Variants in SUN1 observed in about 807,000 individuals in gnomAD.
The protein encoded by SUN1 is Sad1 and UNC84 domain containing 1, also known as SUN domain-containing protein 1.
A neutral mutation model predicts 103.2 loss-of-function variants in SUN1; 61 were observed. That is an observed-to-expected ratio of 0.59 (90% confidence interval 0.48 to 0.73). The LOEUF (loss-of-function observed/expected upper bound fraction) is 0.73, where lower values mean the gene tolerates loss of function less well. SUN1 is among the 30% of genes least tolerant of loss of function. SUN1 has a pLI of 0.00. For synonymous variants in SUN1, 490 were observed against 425.7 expected (o/e 1.15, Z -1.86); for missense variants, 1,052 against 1,034.6 (o/e 1.02, Z -0.23).
intron 5 of SUN1, among the ~76,000 whole-genome samples, chr7:849,334 G>T (rs551186943): frequency 6.6e-6 from 1 of 152,232 alleles, no homozygotes; most frequent in African/African-American, 2.4e-5. Flanking sequence ...GCCCTTTCAC[G>T]TCTCTTCTCG....
In SUN1 at chr7:834,437, G is replaced by A. The variant is rs533112720; in HGVS notation, c.77+1836G>A. Among the ~76,000 whole-genome samples the A allele has an allele frequency of 8.9e-4, 136 of 152,298 alleles. 2 individuals are homozygous for A. The highest frequency in any genetic ancestry group is 3.0e-3 in the African/African-American group (126 of 41,564). Reference sequence around the variant, plus strand: ...GAGTGGAGGCCCGTGGAGCACAGCCGGAGACTGGAGGTGGGGGCCTCAGGG... The same window carrying A: ...GAGTGGAGGCCCGTGGAGCACAGCCAGAGACTGGAGGTGGGGGCCTCAGGG... On this transcript the variant is annotated intron_variant, in intron 1 of 18. Transcript: ENST00000401592.
intron 16 of SUN1, 102 bp downstream of exon 16, chr7:866,169 C>A: frequency 1.0e-6 from 1 of 981,574 alleles, no homozygotes; most frequent in Non-Finnish European, 1.6e-6. Context: ...GTAAGATGAA[C>A]ACGTCTGTGG....
At chr7:872,407 C>A in intron 17 of SUN1, 63 bp from the exon 18 acceptor site, 1 of 1,371,050 alleles carries the variant, frequency 7.3e-7, no homozygotes, top group Non-Finnish European at 1.0e-6. Context: ...TGGAAGGGAA[C>A]GGTCCTCTCT....
chr7:851,508 C>T (rs375642686), intron 6 of SUN1, 26 bp downstream of exon 6: 70 of 1,572,404 alleles, frequency 4.5e-5, no homozygotes, highest in South Asian at 1.7e-4. Flanking sequence ...TTCTGTGTTG[C>T]GTTCTCTCCA....
intron 1 of SUN1, among the ~76,000 whole-genome samples, chr7:821,098 A>C (rs536658778): frequency 9.3e-5 from 14 of 150,382 alleles, no homozygotes; most frequent in African/African-American, 3.2e-4. Context: ...TTTAAAAAAT[A>C]GCCCTTTCTC....
intron 15 of SUN1, 65 bp from the exon 16 acceptor site, chr7:865,886 GT>G: frequency 7.9e-7 from 1 of 1,272,756 alleles, no homozygotes. Flanking sequence ...TCCTGAAGTG[GT>G]GCAGTACTAT....
chr7:829,700 G>A (rs566694730), upstream of SUN1, among the ~76,000 whole-genome samples: 4 of 151,920 alleles, frequency 2.6e-5, no homozygotes, highest in East Asian at 1.9e-4. Flanking sequence ...GACTACAGGC[G>A]CCCGCCACCA....
intron 1 of SUN1, among the ~76,000 whole-genome samples, chr7:819,475 C>A (rs2128126096): frequency 6.6e-6 from 1 of 152,146 alleles, no homozygotes; most frequent in African/African-American, 2.4e-5. Flanking sequence ...CATTTTAGCT[C>A]TTGTATTTAG....
At chr7:825,256 G>T (rs1261091896) in intron 1 of SUN1, among the ~76,000 whole-genome samples, 1 of 152,142 alleles carries the variant, frequency 6.6e-6, no homozygotes, top group Admixed American at 6.6e-5. Flanking sequence ...TAGAGACAGG[G>T]TTTCACTGTG....
chr7:861,607 G>A, intron 15 of SUN1, 143 bp downstream of exon 15: 1 of 817,680 alleles, frequency 1.2e-6, no homozygotes, highest in East Asian at 2.6e-5. Flanking sequence ...ATGATTCTGG[G>A]CATGACCCTG....
intron 1 of SUN1, among the ~76,000 whole-genome samples, chr7:822,702 G>A (rs1229379390): frequency 1.3e-5 from 2 of 152,204 alleles, no homozygotes; most frequent in Admixed American, 6.5e-5. Context: ...ATCTGGACGT[G>A]GTGTGGATGT....
chr7:861,394 C>T lies in SUN1; in HGVS notation c.1794C>T (p.Ile598=), dbSNP rs771321983. 7 of 1,614,192 alleles carry T rather than the reference C, an allele frequency of 4.3e-6. No individual in the cohort carries two copies. Among genetic ancestry groups the T allele is most frequent in the East Asian group, 2.2e-5 (1 of 44,890 alleles). ...TGTCTGTCCAGCAAGCACGTGCCAT[C>T]GTGAACAGCGCCTTGAAGCTGTATT... ...SGITEAQARA[I]VNSALKLYSQ... The change falls in exon 15 of 19, where the codon ATC becomes ATT. Residue 598 remains isoleucine, a synonymous_variant. Transcript: ENST00000401592.
At chr7:820,920 T>G (rs1785282485) in intron 1 of SUN1, among the ~76,000 whole-genome samples, 1 of 152,160 alleles carries the variant, frequency 6.6e-6, no homozygotes, top group South Asian at 2.1e-4. Context: ...TTTTGGAGCC[T>G]TCTGGGGGTT....
In SUN1 at chr7:818,914, A is replaced by T. The variant is rs139966217; in HGVS notation, c.-74+2241A>T. 7.5e-5 allele frequency among the ~76,000 whole-genome samples: 11 copies of T among 145,834 alleles called. No individual in the cohort carries two copies. In the South Asian group the frequency reaches 2.6e-3, roughly 34 times the overall value. Reference sequence around the variant, plus strand: ...AGTTTCGCTCTGTCGCCCAGGCTGGAGTGCAATGACAGGAACTCAGCTCAC... The same window carrying T: ...AGTTTCGCTCTGTCGCCCAGGCTGGTGTGCAATGACAGGAACTCAGCTCAC... On this transcript the variant is annotated intron_variant, in intron 1 of 17. Transcript: ENST00000389574.
chr7:839,898 A>G (rs533236734), intron 2 of SUN1, among the ~76,000 whole-genome samples: 96 of 152,322 alleles, frequency 6.3e-4, no homozygotes, highest in African/African-American at 2.2e-3. Context: ...GTGTTAACTG[A>G]CAAATACATA....
At chr7:872,349 C>G in intron 17 of SUN1, 121 bp from the exon 18 acceptor site, 3 of 773,658 alleles carry the variant, frequency 3.9e-6, no homozygotes, top group Non-Finnish European at 6.5e-6. Flanking sequence ...GAATGACCTT[C>G]TCTTACTGAT....
chr7:831,273 C>CT (rs66807442), upstream of SUN1, among the ~76,000 whole-genome samples: 21,714 of 136,124 alleles, frequency 0.16, 1,801 homozygotes, highest in South Asian at 0.25. Flanking sequence ...TTGAAACGTG[C>CT]TTTTTTTTTT....
intron 2 of SUN1, among the ~76,000 whole-genome samples, chr7:841,564 C>G (rs1453907196): frequency 2.6e-5 from 4 of 152,152 alleles, no homozygotes; most frequent in Admixed American, 6.5e-5. Flanking sequence ...TCTTGTTGTA[C>G]TTAACACAAT....
chr7:855,439 C>T (rs555721605), intron 11 of SUN1, among the ~76,000 whole-genome samples: 1 of 152,314 alleles, frequency 6.6e-6, no homozygotes, highest in South Asian at 2.1e-4. Flanking sequence ...CTGGGAATGC[C>T]AGGGGAGGGA....
Sources: allele counts gnomAD v4.1 joint callset (sites outside exome capture counted in the v4.1 genomes callset), GRCh38; gene constraint gnomAD v4.1.1; transcripts MANE v1.5; gene names NCBI Gene and HGNC (gene_info 2026-07-23, HGNC 2026-07-21).